TLK2: variants seen among roughly 807,000 people sequenced by gnomAD.
The protein encoded by TLK2 is serine/threonine-protein kinase tousled-like 2.
TLK2 carries 6 observed loss-of-function variants against 117.3 expected under a neutral mutation model. That is an observed-to-expected ratio of 0.05 (90% CI 0.03 to 0.10). The LOEUF (loss-of-function observed/expected upper bound fraction) is 0.10, where lower values mean the gene tolerates loss of function less well. Among genes scored for constraint, TLK2 ranks in the 10% least tolerant of loss-of-function variants. TLK2 has a pLI of 1.00. For synonymous variants in TLK2, 257 were observed against 316.7 expected (o/e 0.81, Z 2.00); for missense variants, 299 against 901.2 (o/e 0.33, Z 8.56).
At chr17:62,549,418 A>AAAAAAAG (rs2078229328) in intron 7 of TLK2, among the ~76,000 whole-genome samples, 6 of 8,534 alleles carry the variant, frequency 7.0e-4, no homozygotes, top group African/African-American at 8.2e-4. Context: ...AAAAAAAAAA[A>AAAAAAAG]AAAAAAAAAA....
intron 2 of TLK2, among the ~76,000 whole-genome samples, chr17:62,494,937 A>G (rs1006783533): frequency 6.6e-4 from 100 of 151,862 alleles, no homozygotes; most frequent in Admixed American, 1.4e-3. Context: ...AGACCGAGGC[A>G]GGTGAATCAC....
chr17:62,578,331 G>A, intron 13 of TLK2, 146 bp from the exon 14 acceptor site: 1 of 679,504 alleles, frequency 1.5e-6, no homozygotes, highest in Non-Finnish European at 2.5e-6. Flanking sequence ...TCATTTTTAT[G>A]ATTAAAATTC....
chr17:62,556,358 G>A (rs1282755370), intron 9 of TLK2, among the ~76,000 whole-genome samples: 1 of 152,154 alleles, frequency 6.6e-6, no homozygotes, highest in Non-Finnish European at 1.5e-5. Flanking sequence ...AAACTTATCA[G>A]CAGTATTTTT....
chr17:62,492,973 C>T (rs1356342569), intron 2 of TLK2, among the ~76,000 whole-genome samples: 1 of 152,052 alleles, frequency 6.6e-6, no homozygotes, highest in Non-Finnish European at 1.5e-5. Context: ...TGGTGGGCAC[C>T]TGTAATTACA....
chr17:62,483,157 G>A (rs1297774359), intron 2 of TLK2, among the ~76,000 whole-genome samples: 6 of 152,164 alleles, frequency 3.9e-5, no homozygotes, highest in Non-Finnish European at 8.8e-5. Flanking sequence ...TTGAGCATAA[G>A]GCTAATGTCC....
chr17:62,592,584 G>T (rs903137641), intron 16 of TLK2, among the ~76,000 whole-genome samples: 1 of 152,130 alleles, frequency 6.6e-6, no homozygotes, highest in African/African-American at 2.4e-5. Context: ...CTACACACCT[G>T]TATAGCATGT....
chr17:62,576,148 A>G (rs1245687114), intron 12 of TLK2, among the ~76,000 whole-genome samples: 1 of 152,212 alleles, frequency 6.6e-6, no homozygotes, highest in Non-Finnish European at 1.5e-5. Flanking sequence ...TTAGATAGGT[A>G]TTATCACTTG....
At chr17:62,475,978 TTTA>T (rs1478597135), upstream of TLK2, among the ~76,000 whole-genome samples, 1 of 145,998 alleles carries the variant, frequency 6.8e-6, no homozygotes, top group East Asian at 2.1e-4. Flanking sequence ...TTACTTTTAT[TTTA>T]TTATCATTAT....
At chr17:62,575,827 G>A (rs1285780517) in intron 12 of TLK2, among the ~76,000 whole-genome samples, 1 of 152,118 alleles carries the variant, frequency 6.6e-6, no homozygotes, top group Non-Finnish European at 1.5e-5. Flanking sequence ...CTCCTGAGTA[G>A]CTGGGACTAC....
chr17:62,483,694 G>C (rs979701651), intron 2 of TLK2, among the ~76,000 whole-genome samples: 1 of 152,068 alleles, frequency 6.6e-6, no homozygotes, highest in African/African-American at 2.4e-5. Flanking sequence ...GTAGAGATGG[G>C]GTTTTACCAT....
At chr17:62,605,844 A>C (rs914022653) in intron 19 of TLK2, among the ~76,000 whole-genome samples, 9 of 151,438 alleles carry the variant, frequency 5.9e-5, no homozygotes, top group Non-Finnish European at 1.3e-4. Flanking sequence ...ACTGCTACAA[A>C]TTTTTTTTAA....
At chr17:62,563,237 C>G (rs1295047376) in intron 10 of TLK2, among the ~76,000 whole-genome samples, 4 of 152,158 alleles carry the variant, frequency 2.6e-5, no homozygotes, top group African/African-American at 9.7e-5. Context: ...AAGACACATT[C>G]ACATATATAA....
At chr17:62,543,263 C>CA (rs764785706) in intron 7 of TLK2, among the ~76,000 whole-genome samples, 1 of 152,096 alleles carries the variant, frequency 6.6e-6, no homozygotes, top group Non-Finnish European at 1.5e-5. Context: ...AGTCGATGGA[C>CA]ATTTAGGTTG....
chr17:62,552,473 A>G, intron 8 of TLK2, 76 bp downstream of exon 8: 1 of 1,601,674 alleles, frequency 6.2e-7, no homozygotes, highest in Non-Finnish European at 8.5e-7. Context: ...GTAGTCTGTC[A>G]TTCTTCTCTG....
At chr17:62,516,757 G>C in intron 2 of TLK2, 1 of 1,562,924 alleles carries the variant, frequency 6.4e-7, no homozygotes, top group South Asian at 1.1e-5. Flanking sequence ...GTTCTTCTTA[G>C]GCATCAACAT....
intron 2 of TLK2, among the ~76,000 whole-genome samples, chr17:62,486,816 T>A (rs1348807404): frequency 6.6e-6 from 1 of 152,208 alleles, no homozygotes; most frequent in African/African-American, 2.4e-5. Flanking sequence ...GGTTAACAAA[T>A]CTGTACATAA....
intron 2 of TLK2, among the ~76,000 whole-genome samples, chr17:62,514,579 CTTTTT>C (rs779645456): frequency 2.2e-5 from 3 of 136,148 alleles, no homozygotes; most frequent in Non-Finnish European, 1.6e-5. Context: ...TCTTAACCTT[CTTTTT>C]TTTTTTTTTT....
At chr17:62,497,722 T>A (rs1028830282) in intron 2 of TLK2, among the ~76,000 whole-genome samples, 1 of 152,124 alleles carries the variant, frequency 6.6e-6, no homozygotes, top group Non-Finnish European at 1.5e-5. Context: ...GAGACAGAGT[T>A]TTGCTCTTGT....
intron 7 of TLK2, chr17:62,550,454 G>A (rs2078364414): frequency 6.6e-6 from 1 of 152,174 alleles, no homozygotes; most frequent in East Asian, 1.9e-4. Context: ...ATCTTGTTTT[G>A]GATTGTAAGC....
Sources: allele counts gnomAD v4.1 joint callset (sites outside exome capture counted in the v4.1 genomes callset), GRCh38; gene constraint gnomAD v4.1.1; transcripts MANE v1.5; gene names NCBI Gene and HGNC (gene_info 2026-07-23, HGNC 2026-07-21).